The following CA10 variants were observed in gnomAD, a reference collection of about 807,000 sequenced individuals.
CA10 encodes carbonic anhydrase 10 (inactive), also known as carbonic anhydrase-related protein 10.
CA10 carries 14 observed loss-of-function variants against 44.2 expected under a neutral mutation model. The ratio of observed to expected loss-of-function variants is 0.32; its 90% CI spans 0.21 to 0.50. CA10 has a LOEUF of 0.50. Ranked by LOEUF, CA10 falls within the 20% of genes least tolerant of loss-of-function variation. The pLI is 0.99. For synonymous variants in CA10, 159 were observed against 141.6 expected (o/e 1.12, Z -0.87); for missense variants, 350 against 409.7 (o/e 0.85, Z 1.26).
At chr17:51,673,614 C>A (rs960035742) in intron 4 of CA10, among the ~76,000 whole-genome samples, 4 of 152,226 alleles carry the variant, frequency 2.6e-5, no homozygotes. Context: ...CCCAGTGCTA[C>A]TGCTTCAGAT....
intron 3 of CA10, among the ~76,000 whole-genome samples, chr17:51,784,021 G>A (rs1029991910): frequency 1.3e-4 from 20 of 152,128 alleles, no homozygotes; most frequent in Non-Finnish European, 8.8e-5. Context: ...GGTACAGGGA[G>A]GGAACTGCTT....
chr17:51,753,065 T>C (rs753738284), intron 3 of CA10, among the ~76,000 whole-genome samples: 50 of 152,318 alleles, frequency 3.3e-4, no homozygotes, highest in Admixed American at 7.2e-4. Context: ...AGGACTATAA[T>C]TGGATGCTAG....
At chr17:52,057,533 C>T (rs558038047) in intron 2 of CA10, among the ~76,000 whole-genome samples, 157 of 151,852 alleles carry the variant, frequency 1.0e-3, no homozygotes, top group Admixed American at 1.8e-3. Context: ...GTAAGGCTTC[C>T]GGTCAACCAT....
chr17:51,954,989 G>A (rs1983613542), intron 2 of CA10, among the ~76,000 whole-genome samples: 1 of 152,228 alleles, frequency 6.6e-6, no homozygotes. Flanking sequence ...AAAGAGATAG[G>A]AAGTTTGAGG....
At chr17:52,097,585 G>A (rs902161006) in intron 1 of CA10, among the ~76,000 whole-genome samples, 2 of 152,278 alleles carry the variant, frequency 1.3e-5, no homozygotes, top group African/African-American at 4.8e-5. Flanking sequence ...CACGGAATAA[G>A]TCTGACCTTT....
At chr17:52,144,843 A>G (rs901296486) in intron 1 of CA10, among the ~76,000 whole-genome samples, 2 of 152,200 alleles carry the variant, frequency 1.3e-5, no homozygotes, top group Non-Finnish European at 2.9e-5. Flanking sequence ...AGTGCATTCT[A>G]TATGCCAAAC....
intron 2 of CA10, among the ~76,000 whole-genome samples, chr17:51,983,905 C>A (rs1193517514): frequency 6.6e-6 from 1 of 151,672 alleles, no homozygotes; most frequent in Non-Finnish European, 1.5e-5. Context: ...AGGTGAAAGA[C>A]CTTTTCAACT....
intron 1 of CA10, among the ~76,000 whole-genome samples, chr17:52,131,237 C>A (rs1186587419): frequency 6.6e-6 from 1 of 152,088 alleles, no homozygotes; most frequent in Admixed American, 6.5e-5. Flanking sequence ...ACCAAGGAGG[C>A]CTCATACTTT....
In CA10 at chr17:51,792,758, C is replaced by T. The variant is rs551439644; in HGVS notation, c.280-44940G>A. ...ATCATGTGTGAGTAAACTTTAGAGA[C>T]GATCAATATCTTGTTTAACTCTTAT... is the stretch of plus-strand genomic sequence containing the variant. On this transcript the variant is annotated intron_variant, in intron 3 of 8. Coordinates refer to ENST00000451037, the MANE Select transcript of CA10 (RefSeq NM_020178.5). 1.8e-3 allele frequency among the ~76,000 whole-genome samples: 280 copies of T among 152,266 alleles called. 2 individuals are homozygous for T. The highest frequency in any genetic ancestry group is 3.4e-3 in the Middle Eastern group (1 of 294).
At chr17:52,126,261 A>G (rs1989117004) in intron 1 of CA10, among the ~76,000 whole-genome samples, 1 of 152,246 alleles carries the variant, frequency 6.6e-6, no homozygotes, top group Non-Finnish European at 1.5e-5. Context: ...AAGGGTGGCT[A>G]TGAGGCTCAC....
At chr17:51,633,689 C>T (rs1365719053) in intron 7 of CA10, 39 bp from the exon 8 acceptor site, 1 of 1,598,432 alleles carries the variant, frequency 6.3e-7, no homozygotes, top group Non-Finnish European at 8.5e-7. Flanking sequence ...CAACCATCCT[C>T]TTAAATGCAC....
At position 51,630,931 on chromosome 17, in the gene CA10, G is replaced by C. The variant is rs1175014766; in HGVS notation, c.*653C>G. On this transcript the variant is annotated 3_prime_UTR_variant, in exon 9 of 9. Coordinates refer to ENST00000451037, the MANE Select transcript of CA10 (RefSeq NM_020178.5). ...AAATAATTCCATTTCCTTATAGTCT[G>C]TGGTGATATATATACAATGTGTAGC... The C allele has an allele frequency of 2.0e-5, 3 of 152,688 alleles. No individual in the cohort carries two copies. The highest frequency in any genetic ancestry group is 4.4e-5 in the Non-Finnish European group (3 of 68,102). The allele number at this position is 152,688 out of a possible 1,614,324, so 9.5% of individuals were successfully genotyped here. A position where few individuals can be genotyped will look rare whatever the true frequency, so the allele number is the denominator to read the frequency against.
chr17:52,102,115 C>A (rs1442311878), intron 1 of CA10, among the ~76,000 whole-genome samples: 1 of 152,188 alleles, frequency 6.6e-6, no homozygotes. Context: ...GTCCCCTCCA[C>A]TTGTGGAATT....
At chr17:51,653,245 C>T (rs1037769995) in intron 5 of CA10, among the ~76,000 whole-genome samples, 9 of 152,142 alleles carry the variant, frequency 5.9e-5, no homozygotes, top group African/African-American at 2.2e-4. Context: ...TCACTTCTTC[C>T]TATGTTTACA....
chr17:51,791,206 C>A (rs1008716144), intron 3 of CA10, among the ~76,000 whole-genome samples: 1 of 152,188 alleles, frequency 6.6e-6, no homozygotes, highest in Non-Finnish European at 1.5e-5. Flanking sequence ...AATAGAAGAG[C>A]TAGACTAAGG....
chr17:52,001,410 G>A (rs1985421497), intron 2 of CA10, among the ~76,000 whole-genome samples: 1 of 152,010 alleles, frequency 6.6e-6, no homozygotes, highest in African/African-American at 2.4e-5. Context: ...TCAACTTAGA[G>A]ATCTTGGAAG....
intron 2 of CA10, among the ~76,000 whole-genome samples, chr17:51,951,468 T>C (rs1983478710): frequency 6.6e-6 from 1 of 152,172 alleles, no homozygotes; most frequent in Non-Finnish European, 1.5e-5. Context: ...TTAATTATCT[T>C]ATAACTCTTA....
intron 1 of CA10, among the ~76,000 whole-genome samples, chr17:52,116,072 C>A (rs540805981): frequency 3.0e-4 from 44 of 144,580 alleles, no homozygotes; most frequent in African/African-American, 1.6e-4. Flanking sequence ...AGCCTGGCAA[C>A]TCAGCGAGAC....
At chr17:52,076,577 G>C (rs1356317409) in intron 1 of CA10, among the ~76,000 whole-genome samples, 1 of 152,176 alleles carries the variant, frequency 6.6e-6, no homozygotes, top group Non-Finnish European at 1.5e-5. Context: ...CTGCAGACTA[G>C]AAGAAAATAA....
Sources: gnomAD v4.1 joint callset for allele counts (sites outside exome capture counted in the v4.1 genomes callset) on GRCh38, gnomAD v4.1.1 for gene constraint, MANE v1.5 for transcripts, NCBI Gene and HGNC (gene_info 2026-07-23, HGNC 2026-07-21) for gene names.